MXD4: variants seen among roughly 807,000 people sequenced by gnomAD.
MXD4 encodes MAX dimerization protein 4.
MXD4 carries 16 observed loss-of-function variants against 24.5 expected under a neutral mutation model. The ratio of observed to expected loss-of-function variants is 0.65; its 90% CI spans 0.44 to 0.99. The LOEUF is 0.99. MXD4 is among the 50% of genes least tolerant of loss of function. The pLI is 0.00. For synonymous variants in MXD4, 164 were observed against 134.2 expected (o/e 1.22, Z -1.54); for missense variants, 301 against 301.5 (o/e 1.00, Z 0.01).
chr4:2,261,130 A>T (rs1735533375), intron 2 of MXD4, among the ~76,000 whole-genome samples: 1 of 152,132 alleles, frequency 6.6e-6, no homozygotes, highest in Admixed American at 6.5e-5. Flanking sequence ...TGGTGGCTGG[A>T]GTTTCGCTGT....
chr4:2,255,674 G>A (rs975176157), intron 3 of MXD4, among the ~76,000 whole-genome samples: 1 of 152,176 alleles, frequency 6.6e-6, no homozygotes, highest in Non-Finnish European at 1.5e-5. Context: ...GCATCCAAAG[G>A]GCTTTTAAAA....
intron 4 of MXD4, among the ~76,000 whole-genome samples, chr4:2,251,872 G>A (rs1395853135): frequency 6.6e-6 from 1 of 152,206 alleles, no homozygotes; most frequent in Non-Finnish European, 1.5e-5. Context: ...TGGTCCAAAT[G>A]TCACAAGGCC....
At chr4:2,251,346 C>T in intron 4 of MXD4, 100 bp from the exon 5 acceptor site, 3 of 1,365,636 alleles carry the variant, frequency 2.2e-6, no homozygotes, top group Non-Finnish European at 2.9e-6. Context: ...GGGAGGTTCC[C>T]CATCCCTGCC....
Position 2,252,438 on chromosome 4 carries a change from G to A in MXD4, c.279C>T (p.Ser93=), listed in dbSNP as rs1203448517. ...TGTGCACCTTGGCCCGCTTCAGGAG[G>A]CTCAGCGTGGTGTGGCGGGTGCTGT... ...GPDSTRHTTL[S]LLKRAKVHIK... is the part of the protein sequence containing the mutation. The change falls in exon 4 of 6, where the codon AGC becomes AGT. Residue 93 remains serine, a synonymous_variant. Coordinates refer to ENST00000337190, the MANE Select transcript of MXD4 (RefSeq NM_006454.3). 6 of 1,613,216 alleles carry A rather than the reference G, an allele frequency of 3.7e-6. No individual in the cohort carries two copies. The highest frequency in any genetic ancestry group is 2.2e-5 in the South Asian group (2 of 91,068).
At chr4:2,260,578 GCAATGGTT>G (rs1560115681) in intron 2 of MXD4, 1 of 455,578 alleles carries the variant, frequency 2.2e-6, no homozygotes, top group Non-Finnish European at 4.4e-6. Flanking sequence ...GAGGCCTGAG[GCAATGGTT>G]CCCTCGTCAC....
At position 2,249,953 on chromosome 4, in the gene MXD4, C is replaced by A. The variant is rs1401311683; in HGVS notation, c.*591G>T. ...GTGGGCTGGGCTGGCCTGCCTGGCC[C>A]CGAGAGCCCAGCCCTAGGTTCTGAC... On this transcript the variant is annotated 3_prime_UTR_variant, in exon 6 of 6. Coordinates refer to ENST00000337190, the MANE Select transcript of MXD4 (RefSeq NM_006454.3). 1 of 153,706 alleles carries A rather than the reference C, an allele frequency of 6.5e-6. No individual in the cohort carries two copies. Among genetic ancestry groups the A allele is most frequent in the Non-Finnish European group, 1.5e-5 (1 of 68,878 alleles). 9.5% of individuals were successfully genotyped at this position (153,706 alleles called of 1,614,324 possible).
chr4:2,261,747 C>A lies in MXD4; in HGVS notation c.142G>T (p.Val48Leu), dbSNP rs1262144243. 1.4e-6 allele frequency: 2 copies of A among 1,421,728 alleles called. No homozygotes were observed. The highest frequency in any genetic ancestry group is 3.0e-5 in the African/African-American group (2 of 67,082). The allele number at this position is 1,421,728 out of a possible 1,614,324, so 88.1% of individuals were successfully genotyped here. The change falls in exon 2 of 6, where the codon GTG becomes TTG. Residue 48 changes from valine (V) to leucine (L), a missense_variant. Coordinates refer to ENST00000337190, the MANE Select transcript of MXD4 (RefSeq NM_006454.3). The stretch of plus-strand genomic sequence containing the variant: ...TACCTGTTGTTCGGGGCCTTGCGCA[C>A]CAGGCCGGCCGCCTTTGTTTTCTCC... ...AREKTKAAGL[V>L]RKAPNNRSSH...
At chr4:2,255,116 G>T in intron 3 of MXD4, 1 of 368,032 alleles carries the variant, frequency 2.7e-6, no homozygotes, top group Non-Finnish European at 5.4e-6. Context: ...GGATGAGAAG[G>T]TGGAGGAGTG....
chr4:2,257,210 T>C (rs969577233), intron 3 of MXD4, among the ~76,000 whole-genome samples: 3 of 152,116 alleles, frequency 2.0e-5, no homozygotes, highest in Admixed American at 6.5e-5. Flanking sequence ...TGGAGGGGAC[T>C]GTGGGGGGCT....
chr4:2,251,029 G>GCA, intron 5 of MXD4, 55 bp downstream of exon 5: 1 of 1,477,484 alleles, frequency 6.8e-7, no homozygotes, highest in Non-Finnish European at 9.0e-7. Flanking sequence ...CCAGGGAGCT[G>GCA]CACCACTGCG....
chr4:2,261,471 G>A (rs1258146264), intron 2 of MXD4, among the ~76,000 whole-genome samples: 1 of 151,166 alleles, frequency 6.6e-6, no homozygotes, highest in Non-Finnish European at 1.5e-5. Context: ...CCGGCGGCGG[G>A]CGCTGTACGC....
chr4:2,250,608 C>G lies in MXD4; in HGVS notation c.566G>C (p.Gly189Ala), dbSNP rs146929350. ...DADDHYSLQS[G>A]TGGDSGFGPH... ...CCCGAAGCCACTGTCGCCGCCGGTG[C>G]CACTCTGCAGGCTGTAGTGGTCGTC... The change falls in exon 6 of 6, where the codon GGC (glycine) becomes GCC (alanine). Residue 189 changes from glycine (G) to alanine (A), a missense_variant. Physicochemically the swap from Gly to Ala is moderately conservative, Grantham distance 60. Transcript: ENST00000337190. 353 of 1,612,704 alleles carry G rather than the reference C, an allele frequency of 2.2e-4. 1 individual carries two copies. Among genetic ancestry groups the G allele is most frequent in the Non-Finnish European group, 2.7e-4 (323 of 1,179,850 alleles).
At position 2,261,946 on chromosome 4, in the gene MXD4, G is replaced by A; in HGVS notation, c.35C>T (p.Ala12Val). 1 of 1,452,298 alleles carries A rather than the reference G, an allele frequency of 6.9e-7. No individual in the cohort carries two copies. The highest frequency in any genetic ancestry group is 2.2e-5 in the Admixed American group (1 of 45,286). The allele number at this position is 1,452,298 out of a possible 1,614,324, so 90.0% of individuals were successfully genotyped here. A position where few individuals can be genotyped will look rare whatever the true frequency, so the allele number is the denominator to read the frequency against. Reference sequence around the variant, plus strand: ...ATCCCTGCGCTCCAGGTACTCGGCCGCCTCCAGCAGGATCAGCAGGGAGTT... The same window carrying A: ...ATCCCTGCGCTCCAGGTACTCGGCCACCTCCAGCAGGATCAGCAGGGAGTT... ...ELNSLLILLEAAEYLERRDRE... is the reference protein window; with the variant it reads ...ELNSLLILLEVAEYLERRDRE... The change falls in exon 1 of 6, where the codon GCG (alanine) becomes GTG (valine). Residue 12 changes from alanine to valine, a missense_variant. Transcript: ENST00000337190.
At position 2,260,439 on chromosome 4, in the gene MXD4, C is replaced by A. The variant is rs1735516233; in HGVS notation, c.164+1286G>T. 4.4e-5 allele frequency: 18 copies of A among 411,038 alleles called. 1 individual carries two copies. Among genetic ancestry groups the A allele is most frequent in the South Asian group, 2.8e-4 (16 of 56,528 alleles). The allele number at this position is 411,038 out of a possible 1,614,324, so 25.5% of individuals were successfully genotyped here. ...AGAGGCAGTGTTCGGGCAGCCTTGG[C>A]CAGGACGCTGGTTGTCAGCTTTGGA... On this transcript the variant is annotated intron_variant, in intron 2 of 5. Transcript: ENST00000337190.
rs779766738 is a variant in MXD4, at chr4:2,250,581, G to A, written c.593C>T (p.Pro198Leu). The change falls in exon 6 of 6, where the codon CCC (proline) becomes CTC (leucine). Residue 198 changes from proline (P) to leucine (L), a missense_variant. Physicochemically the swap from Pro to Leu is moderately conservative, Grantham distance 98. Coordinates refer to ENST00000337190, the MANE Select transcript of MXD4 (RefSeq NM_006454.3). The stretch of plus-strand genomic sequence containing the variant: ...GGGGCGGCCCAGCCGCCGGCAGTGG[G>A]GCCCGAAGCCACTGTCGCCGCCGGT... Reference protein sequence around the residue: ...SGTGGDSGFGPHCRRLGRPAL... With the variant: ...SGTGGDSGFGLHCRRLGRPAL... 159 of 1,607,970 alleles carry A rather than the reference G, an allele frequency of 9.9e-5. No individual in the cohort carries two copies. Among genetic ancestry groups the A allele is most frequent in the Non-Finnish European group, 1.3e-4 (155 of 1,178,030 alleles).
At chr4:2,253,023 T>A (rs1735356398) in intron 3 of MXD4, 1 of 155,628 alleles carries the variant, frequency 6.4e-6, no homozygotes, top group Admixed American at 6.2e-5. Context: ...ACCAGGCCCT[T>A]CCAACCCAAG....
chr4:2,260,096 G>A (rs1735508794), intron 2 of MXD4, among the ~76,000 whole-genome samples: 2 of 152,260 alleles, frequency 1.3e-5, no homozygotes, highest in African/African-American at 4.8e-5. Flanking sequence ...CCCACCCGAG[G>A]AAGGGGCCAA....
intron 2 of MXD4, among the ~76,000 whole-genome samples, chr4:2,258,329 C>T (rs1297807355): frequency 3.9e-5 from 6 of 152,164 alleles, no homozygotes; most frequent in Non-Finnish European, 7.4e-5. Flanking sequence ...GCCTTGCTTA[C>T]AGGGAGGCCC....
intron 4 of MXD4, 49 bp downstream of exon 4, chr4:2,252,359 G>A (rs985399776): frequency 3.4e-6 from 5 of 1,477,082 alleles, no homozygotes; most frequent in Admixed American, 3.3e-5. Context: ...GGCGTGCAGG[G>A]ACACTGAGGC....
Sources: gnomAD v4.1 joint callset for allele counts (sites outside exome capture counted in the v4.1 genomes callset) on GRCh38, gnomAD v4.1.1 for gene constraint, MANE v1.5 for transcripts, NCBI Gene and HGNC (gene_info 2026-07-23, HGNC 2026-07-21) for gene names.